The following STPG2 variants were observed in gnomAD, a reference collection of about 807,000 sequenced individuals.
STPG2 encodes the protein sperm tail PG-rich repeat containing 2.
STPG2 carries 56 observed loss-of-function variants against 54.2 expected under a neutral mutation model. The ratio of observed to expected loss-of-function variants is 1.03; its 90% CI spans 0.83 to 1.29. The LOEUF (loss-of-function observed/expected upper bound fraction) is 1.29. Among genes scored for constraint, STPG2 ranks in the 50% most tolerant of loss-of-function variants. STPG2 has a pLI of 0.00. For synonymous variants in STPG2, 200 were observed against 181.8 expected (o/e 1.10, Z -0.81); for missense variants, 596 against 544.9 (o/e 1.09, Z -0.93).
At chr4:97,812,444 A>T (rs527263297) in intron 9 of STPG2, among the ~76,000 whole-genome samples, 1 of 152,266 alleles carries the variant, frequency 6.6e-6, no homozygotes, top group East Asian at 1.9e-4. Flanking sequence ...TACTTCTAAA[A>T]TTGGATATCA....
At chr4:97,540,837 T>A (rs1458430897) in intron 4 of STPG2, among the ~76,000 whole-genome samples, 1 of 151,884 alleles carries the variant, frequency 6.6e-6, no homozygotes, top group Admixed American at 6.6e-5. Context: ...ACAAACATAA[T>A]CCAGCATATA....
chr4:97,914,995 CT>C (rs1398166178), intron 8 of STPG2, among the ~76,000 whole-genome samples: 2 of 152,032 alleles, frequency 1.3e-5, no homozygotes, highest in Non-Finnish European at 2.9e-5. Context: ...AATTTCATTC[CT>C]TTTTAAGGCT....
chr4:97,777,680 T>TTTATGCA (rs1726423116), intron 9 of STPG2, among the ~76,000 whole-genome samples: 1 of 152,226 alleles, frequency 6.6e-6, no homozygotes, highest in African/African-American at 2.4e-5. Context: ...TATAAATCCC[T>TTTATGCA]ACCGTTCTGT....
chr4:97,537,185 CGGACAGTGGGTGCA>C (rs1415070034), intron 4 of STPG2, among the ~76,000 whole-genome samples: 2 of 152,062 alleles, frequency 1.3e-5, no homozygotes, highest in Non-Finnish European at 2.9e-5. Context: ...TGGGACCTGT[CGGACAGTGGGTGCA>C]GGACAGTGGG....
At chr4:98,025,785 G>A in intron 5 of STPG2, 1 of 1,573,074 alleles carries the variant, frequency 6.4e-7, no homozygotes, top group South Asian at 1.1e-5. Flanking sequence ...AATGTGGAAA[G>A]CATTGATGGT....
chr4:97,674,244 G>C (rs10513769), intron 10 of STPG2, among the ~76,000 whole-genome samples: 68,091 of 151,894 alleles, frequency 0.45, 16,766 homozygotes, highest in South Asian at 0.62. Context: ...ACGTAACAGA[G>C]GTTCACACAT....
intron 10 of STPG2, among the ~76,000 whole-genome samples, chr4:97,662,392 G>A (rs1384607628): frequency 6.6e-6 from 1 of 152,004 alleles, no homozygotes; most frequent in Non-Finnish European, 1.5e-5. Context: ...TGCTGGTGAG[G>A]TTGCAAAAAG....
At chr4:98,069,997 A>G (rs1465715188) in intron 5 of STPG2, among the ~76,000 whole-genome samples, 2 of 152,012 alleles carry the variant, frequency 1.3e-5, no homozygotes, top group East Asian at 1.9e-4. Flanking sequence ...AACTATTCCA[A>G]AAATTGAAAA....
At chr4:97,994,049 T>C (rs1300295453) in intron 5 of STPG2, among the ~76,000 whole-genome samples, 3 of 152,144 alleles carry the variant, frequency 2.0e-5, no homozygotes, top group Non-Finnish European at 4.4e-5. Flanking sequence ...TTTTGTTTCA[T>C]TTATCTTTTG....
intron 9 of STPG2, among the ~76,000 whole-genome samples, chr4:97,826,755 T>G (rs997958721): frequency 6.6e-6 from 1 of 152,244 alleles, no homozygotes; most frequent in Non-Finnish European, 1.5e-5. Context: ...TATAAATATG[T>G]TATTGGTATG....
At chr4:97,833,981 C>T (rs548348932) in intron 9 of STPG2, among the ~76,000 whole-genome samples, 1 of 152,180 alleles carries the variant, frequency 6.6e-6, no homozygotes, top group East Asian at 1.9e-4. Context: ...CCAGAAATAC[C>T]ATTTGACCCA....
At chr4:97,637,341 T>C (rs1049737315) in intron 10 of STPG2, among the ~76,000 whole-genome samples, 17 of 152,098 alleles carry the variant, frequency 1.1e-4, no homozygotes, top group Non-Finnish European at 1.9e-4. Flanking sequence ...TGGGACATAT[T>C]TCAAAATAAT....
intron 9 of STPG2, among the ~76,000 whole-genome samples, chr4:97,799,788 G>C (rs1371926098): frequency 2.0e-5 from 3 of 152,136 alleles, no homozygotes; most frequent in Non-Finnish European, 1.5e-5. Context: ...TTTCCAGCTT[G>C]GTTCCATTCT....
intron 9 of STPG2, among the ~76,000 whole-genome samples, chr4:97,784,035 T>C (rs1553913193): frequency 6.6e-6 from 1 of 150,788 alleles, no homozygotes; most frequent in Non-Finnish European, 1.5e-5. Flanking sequence ...ACCTGCACGT[T>C]GTACACATGT....
intron 7 of STPG2, among the ~76,000 whole-genome samples, chr4:97,953,080 A>G (rs1329981499): frequency 6.6e-6 from 1 of 152,144 alleles, no homozygotes; most frequent in Non-Finnish European, 1.5e-5. Context: ...GTGTTAAGCT[A>G]TTAGGGCAAA....
chr4:97,551,564 C>T (rs573766548), intron 4 of STPG2, among the ~76,000 whole-genome samples: 50 of 152,304 alleles, frequency 3.3e-4, no homozygotes, highest in Non-Finnish European at 5.6e-4. Context: ...ATAATTACTT[C>T]TCATCAACAT....
chr4:97,731,446 G>T (rs185151616), intron 9 of STPG2, among the ~76,000 whole-genome samples: 1 of 152,138 alleles, frequency 6.6e-6, no homozygotes, highest in African/African-American at 2.4e-5. Flanking sequence ...ATTTCAGTGC[G>T]TTTGCAGCAT....
chr4:97,673,607 G>T (rs1722758525), intron 10 of STPG2, among the ~76,000 whole-genome samples: 1 of 151,936 alleles, frequency 6.6e-6, no homozygotes, highest in African/African-American at 2.4e-5. Context: ...TGTCAACTGA[G>T]GCTTGTAACC....
chr4:97,904,973 C>T (rs936060909), intron 8 of STPG2, among the ~76,000 whole-genome samples: 8 of 151,998 alleles, frequency 5.3e-5, no homozygotes, highest in East Asian at 1.9e-4. Flanking sequence ...ACAAAATCTA[C>T]GTCTGATTGG....
Sources: allele counts gnomAD v4.1 joint callset (sites outside exome capture counted in the v4.1 genomes callset), GRCh38; gene constraint gnomAD v4.1.1; transcripts MANE v1.5; gene names NCBI Gene and HGNC (gene_info 2026-07-23, HGNC 2026-07-21).